RTEL1: variants seen among roughly 807,000 people sequenced by gnomAD.
RTEL1 encodes regulator of telomere elongation helicase 1.
RTEL1 carries 86 observed loss-of-function variants against 162.2 expected under a neutral mutation model. The ratio of observed to expected loss-of-function variants is 0.53; its 90% confidence interval spans 0.45 to 0.63. The LOEUF (loss-of-function observed/expected upper bound fraction) is 0.63, where lower values mean the gene tolerates loss of function less well. Among genes scored for constraint, RTEL1 ranks in the 30% least tolerant of loss-of-function variants. The pLI is 0.00. For missense variants in RTEL1, 1,941 were observed against 1,750.2 expected (o/e 1.11, Z -1.95); for synonymous variants, 958 against 717.9 (o/e 1.33, Z -5.35).
Position 63,662,909 on chromosome 20 carries a change from A to T in RTEL1, c.538+20A>T, listed in dbSNP as rs2090049738. ...TAGAAGGTACAAGCAGCTGGGTGGG[A>T]CCAGGGTCGGGTTGGAGTGTGTGCA... On this transcript the variant is annotated intron_variant, in intron 6 of 34. Coordinates refer to ENST00000360203, the MANE Select transcript of RTEL1 (RefSeq NM_001283009.2). 2 of 1,612,464 alleles carry T rather than the reference A, an allele frequency of 1.2e-6. No homozygotes were observed. Among genetic ancestry groups the T allele is most frequent in the African/African-American group, 2.7e-5 (2 of 75,032 alleles).
chr20:63,695,133 C>T lies in RTEL1; in HGVS notation c.3411C>T (p.Gly1137=), dbSNP rs1040621164. 2.8e-5 allele frequency: 45 copies of T among 1,612,252 alleles called. No homozygotes were observed. The highest frequency in any genetic ancestry group is 3.8e-5 in the Non-Finnish European group (45 of 1,179,858). The change falls in exon 33 of 35, where the codon GGC becomes GGT. Residue 1137 remains glycine (G), a synonymous_variant. Transcript: ENST00000360203. ...CACAGACGTGCACAGACCTGACCGG[C>T]CGGCCCTACCCGGGCATGGAGCCAC... is the stretch of plus-strand genomic sequence containing the variant. The part of the protein sequence containing the change: ...RFSQTCTDLT[G]RPYPGMEPPG...
chr20:63,693,471 A>C (rs1414761443), intron 30 of RTEL1, among the ~76,000 whole-genome samples, 188 bp downstream of exon 30: 2 of 54,820 alleles, frequency 3.6e-5, no homozygotes, highest in Admixed American at 1.9e-4. Flanking sequence ...CTCCACCTCC[A>C]CCTCCACCTC....
Position 63,695,766 on chromosome 20 carries a change from G to A in RTEL1, c.3823-12G>A. On this transcript the variant is annotated splice_polypyrimidine_tract_variant and intron_variant, in intron 34 of 34. Transcript: ENST00000360203. ...CCTGGCAGACGTGTGCAGTGGGCCG[G>A]TTGTCTCACAGGCCTCTAGGATGTG... 4 of 1,588,802 alleles carry A rather than the reference G, an allele frequency of 2.5e-6. No individual in the cohort carries two copies. Among genetic ancestry groups the A allele is most frequent in the South Asian group, 2.3e-5 (2 of 88,322 alleles).
intron 10 of RTEL1, among the ~76,000 whole-genome samples, chr20:63,674,948 C>G (rs1227368043): frequency 6.6e-6 from 1 of 151,256 alleles, no homozygotes; most frequent in Non-Finnish European, 1.5e-5. Flanking sequence ...ACTTTTGTTG[C>G]CCAGGCTGGA....
chr20:63,689,693 T>C (rs1460074732), intron 23 of RTEL1, 45 bp downstream of exon 23: 3 of 1,604,162 alleles, frequency 1.9e-6, no homozygotes, highest in African/African-American at 1.3e-5. Flanking sequence ...GTCTGGTGAC[T>C]GAGCCCCCGC....
intron 9 of RTEL1, 67 bp from the exon 10 acceptor site, chr20:63,673,873 A>C (rs1343689217): frequency 6.6e-7 from 1 of 1,524,046 alleles, no homozygotes; most frequent in Non-Finnish European, 8.8e-7. Context: ...CCCCCACCCC[A>C]TTTCTGCTTT....
At chr20:63,694,640 G>C in intron 31 of RTEL1, 101 bp from the exon 32 acceptor site, 1 of 1,268,468 alleles carries the variant, frequency 7.9e-7, no homozygotes, top group South Asian at 1.4e-5. Context: ...CAGTTGTCCT[G>C]AGCAGCTCTC....
chr20:63,693,318 T>G, intron 30 of RTEL1, 35 bp downstream of exon 30: 1 of 1,609,246 alleles, frequency 6.2e-7, no homozygotes. Context: ...CTCAGACTCC[T>G]GCGTGGAAGG....
chr20:63,675,932 C>T (rs2090340585), intron 10 of RTEL1, among the ~76,000 whole-genome samples: 1 of 152,216 alleles, frequency 6.6e-6, no homozygotes, highest in Non-Finnish European at 1.5e-5. Context: ...TGAACATCAC[C>T]ACGGGGCCTT....
intron 22 of RTEL1, 43 bp from the exon 23 acceptor site, chr20:63,689,459 G>C (rs2090673278): frequency 3.4e-6 from 5 of 1,485,524 alleles, no homozygotes; most frequent in Non-Finnish European, 4.5e-6. Context: ...ACCAGGGAGA[G>C]GAGCCCCCAC....
chr20:63,689,323 A>G (rs2090669629), intron 22 of RTEL1, among the ~76,000 whole-genome samples, 179 bp from the exon 23 acceptor site: 1 of 152,152 alleles, frequency 6.6e-6, no homozygotes, highest in Non-Finnish European at 1.5e-5. Context: ...TTTCCTGGCC[A>G]CAAGAGTTGG....
At chr20:63,688,464 G>A in intron 20 of RTEL1, 64 bp from the exon 21 acceptor site, 1 of 1,607,246 alleles carries the variant, frequency 6.2e-7, no homozygotes, top group Non-Finnish European at 8.5e-7. Context: ...CACAGCTCCT[G>A]CTTGCCCTCA....
rs569575272 is a variant in RTEL1, at chr20:63,668,502, C to G, written c.699+949C>G. On this transcript the variant is annotated intron_variant, in intron 8 of 34. Coordinates refer to ENST00000360203, the MANE Select transcript of RTEL1 (RefSeq NM_001283009.2). This position sits in a 1 kb window ranked among gnomAD's most constrained non-coding sequence, Gnocchi z 4.3. ...TAGAGCAGAGGGAGGAGGCGGAGAC[C>G]GAGCCAAGCGGGCCCAAGTGCGATG... Among the ~76,000 whole-genome samples the G allele has an allele frequency of 2.1e-4, 32 of 152,122 alleles. No homozygotes were observed. In the South Asian group the frequency reaches 5.6e-3, roughly 27 times the overall value.
At position 63,683,139 on chromosome 20, in the gene RTEL1, AT is replaced by A. The variant is rs749896316; in HGVS notation, c.1192-2377del. On this transcript the variant is annotated intron_variant, in intron 14 of 34. Coordinates refer to ENST00000360203, the MANE Select transcript of RTEL1 (RefSeq NM_001283009.2). ...CCACCGCACTCAGCTAATTTTTAAA[AT>A]TTTTTTGTAGAGATGAGGTCTTGCC... 4.5e-4 allele frequency among the ~76,000 whole-genome samples: 69 copies of A among 152,192 alleles called. No individual in the cohort carries two copies. In the Middle Eastern group the frequency reaches 0.014, roughly 30 times the overall value.
chr20:63,663,040 C>A, intron 6 of RTEL1, 151 bp downstream of exon 6: 3 of 726,696 alleles, frequency 4.1e-6, no homozygotes, highest in Non-Finnish European at 7.3e-6. Context: ...TCGGGGCCAC[C>A]CATGTTAGAC....
At position 63,661,555 on chromosome 20, in the gene RTEL1, C is replaced by A; in HGVS notation, c.301+59C>A. On this transcript the variant is annotated intron_variant, in intron 3 of 34. Transcript: ENST00000360203. This position sits in a 1 kb window ranked among gnomAD's most constrained non-coding sequence, Gnocchi z 5.1. ...TGTGGGGATGGTTGGCAAGGGATGG[C>A]GCTGAGGGTGGGGTGGGCCCATGGG... The A allele has an allele frequency of 6.5e-7, 1 of 1,531,512 alleles. No homozygotes were observed. The allele number at this position is 1,531,512 out of a possible 1,614,324, so 94.9% of individuals were successfully genotyped here.
intron 28 of RTEL1, chr20:63,692,443 GT>G: frequency 2.9e-6 from 1 of 347,488 alleles, no homozygotes. Context: ...GCCCCTCCTT[GT>G]GCGCTGCCAT....
rs1200816389 is a variant in RTEL1 at position 63,661,057 on chromosome 20, G to A, written c.103-241G>A. On this transcript the variant is annotated intron_variant, in intron 2 of 34. Transcript: ENST00000360203. The surrounding 1 kb of genome is among the most constrained non-coding windows in gnomAD (Gnocchi z 5.1). ...TATTTAAGCTGAAAAATAGTGTCGT[G>A]TTTTGGGTAACGTTCTGCAAATCGT... Among the ~76,000 whole-genome samples the A allele has an allele frequency of 2.0e-5, 3 of 152,278 alleles. No individual in the cohort carries two copies. The highest frequency in any genetic ancestry group is 1.5e-5 in the Non-Finnish European group (1 of 68,052).
chr20:63,672,635 G>T lies in RTEL1; in HGVS notation c.765+14G>T, dbSNP rs775345695. The T allele has an allele frequency of 5.1e-6, 8 of 1,571,662 alleles. No individual in the cohort carries two copies. Among genetic ancestry groups the T allele is most frequent in the Middle Eastern group, 3.3e-4 (2 of 6,018 alleles). On this transcript the variant is annotated intron_variant, in intron 9 of 34. Transcript: ENST00000360203. ...GCTCACAACGTGGTGAGTCTCCGCTGGCCTCCTAAACACCTCCTATTGCTT... is the reference window on the plus strand; with the variant it reads ...GCTCACAACGTGGTGAGTCTCCGCTTGCCTCCTAAACACCTCCTATTGCTT...
Sources: gnomAD v4.1 joint callset for allele counts (sites outside exome capture counted in the v4.1 genomes callset) on GRCh38, gnomAD v4.1.1 for gene constraint, Gnocchi (gnomAD v3.1) non-coding constraint, MANE v1.5 for transcripts, NCBI Gene and HGNC (gene_info 2026-07-23, HGNC 2026-07-21) for gene names.